ZC3H18: variants seen among roughly 807,000 people sequenced by gnomAD.
The protein encoded by ZC3H18 is zinc finger CCCH-type containing 18.
ZC3H18 carries 8 observed loss-of-function variants against 106.1 expected under a neutral mutation model. That is an observed-to-expected ratio of 0.08 (90% CI 0.04 to 0.14). ZC3H18 has a LOEUF of 0.14. Ranked by LOEUF, ZC3H18 falls within the 10% of genes least tolerant of loss-of-function variation. The pLI is 1.00. For missense variants in ZC3H18, 1,318 were observed against 1,278.4 expected, an observed-to-expected ratio of 1.03 and a Z score of -0.47; for synonymous variants, 635 against 522.1, an observed-to-expected ratio of 1.22 and a Z score of -2.95.
At position 88,591,721 on chromosome 16, in the gene ZC3H18, C is replaced by A. The variant is rs141983927; in HGVS notation, c.688+5037C>A. Among the ~76,000 whole-genome samples, 327 of 152,380 alleles carry A rather than the reference C, an allele frequency of 2.1e-3. 1 individual carries two copies. Among genetic ancestry groups the A allele is most frequent in the African/African-American group, 7.2e-3 (300 of 41,592 alleles). On this transcript the variant is annotated intron_variant, in intron 3 of 17. Transcript: ENST00000301011. Reference sequence around the variant, plus strand: ...GTGAACGTGGGCGTAAAAATCTCTTCAGACCCTGCTTTCAGCTCTTTCGCA... The same window carrying A: ...GTGAACGTGGGCGTAAAAATCTCTTAAGACCCTGCTTTCAGCTCTTTCGCA...
At chr16:88,623,866 C>G in intron 10 of ZC3H18, 92 bp from the exon 11 acceptor site, 1 of 1,491,764 alleles carries the variant, frequency 6.7e-7, no homozygotes. Context: ...AATTCGTGGC[C>G]TTCTCCATGG....
chr16:88,603,396 G>A (rs1053431656), intron 6 of ZC3H18, among the ~76,000 whole-genome samples: 2 of 151,518 alleles, frequency 1.3e-5, no homozygotes, highest in African/African-American at 2.4e-5. Context: ...CAAAGCGGAC[G>A]GATTGCCTGA....
In ZC3H18 at chr16:88,622,374, C is replaced by G. The variant is rs1167309882; in HGVS notation, c.1653C>G (p.Ala551=). 3.7e-6 allele frequency: 6 copies of G among 1,609,574 alleles called. No homozygotes were observed. The highest frequency in any genetic ancestry group is 3.3e-5 in the South Asian group (3 of 90,382). ...AAACATCAGCCTCGTCAGCCTCTGCCTCTAATTCCTCCAGGTAAGGAGGGC... is the reference window on the plus strand; with the variant it reads ...AAACATCAGCCTCGTCAGCCTCTGCGTCTAATTCCTCCAGGTAAGGAGGGC... ...RRKTSASSAS[A]SNSSRSSSRS... Residue 551 remains alanine, a synonymous_variant, in exon 9 of 18, where the codon GCC becomes GCG. Transcript: ENST00000301011.
intron 7 of ZC3H18, among the ~76,000 whole-genome samples, chr16:88,610,011 C>T (rs956619156): frequency 7.2e-5 from 11 of 152,066 alleles, no homozygotes; most frequent in African/African-American, 2.7e-4. Context: ...CTCAGTGATC[C>T]CGTTTAGGAT....
chr16:88,600,620 C>A (rs1278688949), intron 6 of ZC3H18, among the ~76,000 whole-genome samples: 2 of 152,178 alleles, frequency 1.3e-5, no homozygotes, highest in African/African-American at 2.4e-5. Flanking sequence ...ACCATGTTGG[C>A]CAGGATGGTC....
At chr16:88,617,103 C>G (rs1905660480) in intron 8 of ZC3H18, among the ~76,000 whole-genome samples, 1 of 152,224 alleles carries the variant, frequency 6.6e-6, no homozygotes, top group South Asian at 2.1e-4. Context: ...CCTGAGCTAT[C>G]TGATGGCCAG....
At chr16:88,587,516 A>T in intron 3 of ZC3H18, 2 of 1,531,586 alleles carry the variant, frequency 1.3e-6, no homozygotes, top group Non-Finnish European at 1.8e-6. Context: ...TAAAGCTCAC[A>T]AGAGCTTCCT....
rs144394099 is a variant in ZC3H18, at chr16:88,628,010, G to C, written c.2360G>C (p.Gly787Ala). The change falls in exon 15 of 18, where the codon GGG becomes GCG. Residue 787 changes from glycine (G) to alanine (A), a missense_variant. Gly to Ala is a moderately conservative substitution (Grantham distance 60). Coordinates refer to ENST00000301011, the MANE Select transcript of ZC3H18 (RefSeq NM_144604.4). ...CCCAAATCTGCAAAACCTCCAGCAG[G>C]GGGGAAGTCCTCCCAGCAGCCCTCG... ...QPPKSAKPPA[G>A]GKSSQQPSTP... 5.0e-6 allele frequency: 8 copies of C among 1,614,184 alleles called. No homozygotes were observed. Among genetic ancestry groups the C allele is most frequent in the South Asian group, 1.1e-5 (1 of 91,088 alleles).
chr16:88,623,752 G>A (rs1906116720), intron 10 of ZC3H18: 1 of 940,622 alleles, frequency 1.1e-6, no homozygotes, highest in South Asian at 2.3e-5. Context: ...ACCCGCCAGT[G>A]GATGCTGACA....
In ZC3H18 at chr16:88,628,759, C is replaced by T. The variant is rs144953625; in HGVS notation, c.2471C>T (p.Ala824Val). Residue 824 changes from alanine (A) to valine (V), a missense_variant and splice_region_variant, in exon 16 of 18, where the codon GCG (alanine) becomes GTG (valine). Around this residue, in one of 6 missense-constraint regions of ZC3H18, gnomAD observed 848 missense variants for 821.7 expected, o/e 1.03. Coordinates refer to ENST00000301011, the MANE Select transcript of ZC3H18 (RefSeq NM_144604.4). Reference protein sequence around the residue: ...KEIKLTLLNKAADKGSRKRYE... With the variant: ...KEIKLTLLNKVADKGSRKRYE... ...TCACTGGCCTCTCTCTTGTCCCAGG[C>T]GGCTGATAAAGGAAGCAGGAAGCGC... is the stretch of plus-strand genomic sequence containing the variant. The T allele has an allele frequency of 6.1e-4, 979 of 1,613,772 alleles. 3 individuals carry two copies. The highest frequency in any genetic ancestry group is 5.9e-4 in the Non-Finnish European group (702 of 1,179,910).
At chr16:88,631,076 C>G (rs746807839) in intron 17 of ZC3H18, 25 bp from the exon 18 acceptor site, 7 of 1,610,480 alleles carry the variant, frequency 4.3e-6, no homozygotes, top group Non-Finnish European at 5.1e-6. Context: ...TCTGGGGGCT[C>G]AAGGTCTTCC....
At chr16:88,579,503 T>C (rs2142544418) in intron 2 of ZC3H18, among the ~76,000 whole-genome samples, 1 of 152,276 alleles carries the variant, frequency 6.6e-6, no homozygotes, top group South Asian at 2.1e-4. Context: ...AAAGGCCATG[T>C]CTGTGGAGCA....
At position 88,627,680 on chromosome 16, in the gene ZC3H18, G is replaced by A. The variant is rs146097985; in HGVS notation, c.2167G>A (p.Ala723Thr). The change falls in exon 14 of 18, where the codon GCA becomes ACA. Residue 723 changes from alanine to threonine, a missense_variant. Ala to Thr is a moderately conservative substitution (Grantham distance 58). Coordinates refer to ENST00000301011, the MANE Select transcript of ZC3H18 (RefSeq NM_144604.4). This position sits in a 1 kb window ranked among gnomAD's most constrained non-coding sequence, Gnocchi z 4.5. Reference sequence around the variant, plus strand: ...CAGTGCTACGTCGAGCAGCAGCTCTGCACACAGCGTGGACTCGGAGGACAT... The same window carrying A: ...CAGTGCTACGTCGAGCAGCAGCTCTACACACAGCGTGGACTCGGAGGACAT... ...VSSATSSSSSAHSVDSEDMYA... is the reference protein window; with the variant it reads ...VSSATSSSSSTHSVDSEDMYA... The A allele has an allele frequency of 1.6e-4, 253 of 1,613,604 alleles. No homozygotes were observed. Among genetic ancestry groups the A allele is most frequent in the Non-Finnish European group, 2.0e-4 (232 of 1,179,752 alleles).
At chr16:88,583,643 G>A (rs1467069923) in intron 2 of ZC3H18, among the ~76,000 whole-genome samples, 1 of 152,208 alleles carries the variant, frequency 6.6e-6, no homozygotes, top group East Asian at 1.9e-4. Context: ...TTATCCACGT[G>A]TGTATTTCCC....
intron 11 of ZC3H18, 21 bp downstream of exon 11, chr16:88,624,083 C>G (rs1442292366): frequency 6.2e-7 from 1 of 1,612,298 alleles, no homozygotes; most frequent in Non-Finnish European, 8.5e-7. Flanking sequence ...AGCCTGTGGG[C>G]AAGTCCTGGC....
At chr16:88,599,361 G>C (rs941883253) in intron 5 of ZC3H18, among the ~76,000 whole-genome samples, 2 of 152,232 alleles carry the variant, frequency 1.3e-5, no homozygotes, top group African/African-American at 4.8e-5. Flanking sequence ...GGACCACTCT[G>C]CTGGCACCCA....
intron 8 of ZC3H18, among the ~76,000 whole-genome samples, chr16:88,616,707 T>C (rs1237090152): frequency 1.3e-5 from 2 of 152,158 alleles, no homozygotes; most frequent in African/African-American, 4.8e-5. Flanking sequence ...TTTGTAATCA[T>C]TAGGTGGATA....
intron 8 of ZC3H18, among the ~76,000 whole-genome samples, chr16:88,616,042 C>A (rs1022326318): frequency 2.0e-5 from 3 of 152,182 alleles, no homozygotes; most frequent in African/African-American, 7.2e-5. Flanking sequence ...CAGAGGAAAG[C>A]GGGTGACGGA....
intron 7 of ZC3H18, among the ~76,000 whole-genome samples, chr16:88,609,805 T>G (rs574179106): frequency 1.1e-4 from 16 of 150,956 alleles, no homozygotes; most frequent in Non-Finnish European, 2.1e-4. Flanking sequence ...TTTGCCGTGT[T>G]GGTCAGGCTG....
Sources: allele counts gnomAD v4.1 joint callset (sites outside exome capture counted in the v4.1 genomes callset), GRCh38; gene constraint gnomAD v4.1.1; regional missense constraint gnomAD v4.1.1; non-coding constraint Gnocchi (gnomAD v3.1); transcripts MANE v1.5; gene names NCBI Gene and HGNC (gene_info 2026-07-23, HGNC 2026-07-21).